The following FANCC variants were observed in gnomAD, a reference collection of about 807,000 sequenced individuals.
FANCC encodes FA complementation group C.
In FANCC, 55 loss-of-function variants were observed where a neutral mutation model predicts 71.3. The observed-to-expected ratio is 0.77, with a 90% CI of 0.62 to 0.97. The LOEUF is 0.97. Ranked by LOEUF, FANCC falls within the 50% of genes least tolerant of loss-of-function variation. FANCC has a pLI of 0.00. For missense variants in FANCC, 678 were observed against 670.9 expected (o/e 1.01, Z -0.12); for synonymous variants, 275 against 244.9 (o/e 1.12, Z -1.15).
At chr9:95,182,139 A>G (rs1222260182) in intron 4 of FANCC, among the ~76,000 whole-genome samples, 2 of 151,112 alleles carry the variant, frequency 1.3e-5, no homozygotes, top group Non-Finnish European at 2.9e-5. Context: ...TCTCTAAACA[A>G]TTTCTTCATC....
intron 13 of FANCC, chr9:95,111,105 G>A (rs2071878523): frequency 6.6e-6 from 10 of 1,522,986 alleles, no homozygotes; most frequent in Non-Finnish European, 7.9e-6. Flanking sequence ...AGGCTCTGCT[G>A]CCGGCACACC....
At chr9:95,256,482 A>C (rs566851429) in intron 1 of FANCC, among the ~76,000 whole-genome samples, 1 of 152,340 alleles carries the variant, frequency 6.6e-6, no homozygotes, top group South Asian at 2.1e-4. Context: ...CAGACAGGCA[A>C]ATGCTGAGAG....
At chr9:95,124,832 T>C (rs1825726099) in intron 10 of FANCC, among the ~76,000 whole-genome samples, 1 of 152,174 alleles carries the variant, frequency 6.6e-6, no homozygotes, top group Admixed American at 6.5e-5. Flanking sequence ...TCCAGGGCCA[T>C]GCATGCTGGC....
chr9:95,209,685 T>TCCGG (rs1429375445), intron 4 of FANCC, among the ~76,000 whole-genome samples: 4 of 152,250 alleles, frequency 2.6e-5, no homozygotes, highest in African/African-American at 9.6e-5. Flanking sequence ...TTCTTTCTCA[T>TCCGG]CCGGCCCCCT....
At chr9:95,115,115 A>AT (rs1187481437) in intron 11 of FANCC, among the ~76,000 whole-genome samples, 2 of 152,082 alleles carry the variant, frequency 1.3e-5, no homozygotes, top group East Asian at 1.9e-4. Context: ...TATTTTTAAA[A>AT]TTTTTTTGTA....
In FANCC at chr9:95,280,843, AAC is replaced by A; in HGVS notation, c.-78-31476_-78-31475del. On this transcript the variant is annotated intron_variant, in intron 1 of 14. Coordinates refer to ENST00000289081, the MANE Select transcript of FANCC (RefSeq NM_000136.3). Reference sequence around the variant, plus strand: ...ATTCAGAAATTCATCAGAGAAATTTAACAGAGAGATTGAAATAATTTTTTAAA... The same window carrying A: ...ATTCAGAAATTCATCAGAGAAATTTAAGAGAGATTGAAATAATTTTTTAAA... 2.0e-5 allele frequency among the ~76,000 whole-genome samples: 3 copies of A among 152,368 alleles called. No individual in the cohort carries two copies. In the South Asian group the frequency reaches 6.2e-4, roughly 32 times the overall value.
intron 1 of FANCC, among the ~76,000 whole-genome samples, chr9:95,311,711 G>C (rs1313913361): frequency 7.6e-6 from 1 of 132,300 alleles, no homozygotes; most frequent in Non-Finnish European, 1.6e-5. Flanking sequence ...CTCTGAATCT[G>C]TGTGTGTGTG....
chr9:95,195,501 G>A (rs1016539543), intron 4 of FANCC, among the ~76,000 whole-genome samples: 1 of 152,086 alleles, frequency 6.6e-6, no homozygotes, highest in Non-Finnish European at 1.5e-5. Context: ...CAATATCACA[G>A]GATCTAATTA....
chr9:95,299,835 A>C (rs1432949335), intron 1 of FANCC, among the ~76,000 whole-genome samples: 1 of 152,182 alleles, frequency 6.6e-6, no homozygotes, highest in Non-Finnish European at 1.5e-5. Context: ...CACTCCAGGC[A>C]GGGAGACAGA....
At chr9:95,254,597 T>C (rs1489541676) in intron 1 of FANCC, among the ~76,000 whole-genome samples, 2 of 152,218 alleles carry the variant, frequency 1.3e-5, no homozygotes, top group African/African-American at 4.8e-5. Context: ...ACCAGAAGAT[T>C]CCCTTGGGTG....
Position 95,252,103 on chromosome 9 carries a change from C to A in FANCC, c.-78-2734G>T, listed in dbSNP as rs187874785. ...GACCAGCCTGGCCAACATGGTGAAA[C>A]CCCATCTCTACTGAAAATAACAAAA... On this transcript the variant is annotated intron_variant, in intron 1 of 14. Transcript: ENST00000289081. Among the ~76,000 whole-genome samples, 347 of 151,816 alleles carry A rather than the reference C, an allele frequency of 2.3e-3. 1 individual carries two copies. The highest frequency in any genetic ancestry group is 8.0e-3 in the African/African-American group (333 of 41,382).
intron 4 of FANCC, among the ~76,000 whole-genome samples, chr9:95,187,943 T>C (rs1488313718): frequency 6.6e-6 from 1 of 152,228 alleles, no homozygotes; most frequent in Non-Finnish European, 1.5e-5. Context: ...TTAGGTTCAA[T>C]GAGTAGTTCT....
intron 8 of FANCC, among the ~76,000 whole-genome samples, chr9:95,130,033 C>T (rs1312686240): frequency 6.6e-6 from 1 of 152,138 alleles, no homozygotes; most frequent in Non-Finnish European, 1.5e-5. Context: ...ATGGAATCAA[C>T]ACACAATAAC....
chr9:95,172,557 C>T (rs765638751), intron 4 of FANCC, among the ~76,000 whole-genome samples: 20 of 151,862 alleles, frequency 1.3e-4, no homozygotes, highest in African/African-American at 1.5e-4. Flanking sequence ...CACACACATG[C>T]GTGAAACACC....
intron 6 of FANCC, 107 bp downstream of exon 6, chr9:95,170,972 C>T: frequency 1.2e-6 from 1 of 830,638 alleles, no homozygotes; most frequent in Non-Finnish European, 2.1e-6. Context: ...ATATAAAATA[C>T]AACCATAACT....
chr9:95,237,331 T>G (rs1830379164), intron 4 of FANCC, among the ~76,000 whole-genome samples: 2 of 152,188 alleles, frequency 1.3e-5, no homozygotes, highest in Non-Finnish European at 2.9e-5. Context: ...AAGTTCTCCC[T>G]CCTTTACTGC....
rs527943670 is a variant in FANCC, at chr9:95,141,782, T to C, written c.687-6280A>G. 2.6e-5 allele frequency among the ~76,000 whole-genome samples: 4 copies of C among 152,240 alleles called. No individual in the cohort carries two copies. In the East Asian group the frequency reaches 7.7e-4, roughly 29 times the overall value. On this transcript the variant is annotated intron_variant, in intron 7 of 14. Transcript: ENST00000289081. ...GCATAAATTAGGTTCTTCTGATAGA[T>C]AATGAATTGTTTTCTTATTAAGCAT...
chr9:95,293,983 C>T, intron 1 of FANCC: 1 of 1,589,174 alleles, frequency 6.3e-7, no homozygotes, highest in Non-Finnish European at 8.6e-7. Context: ...TTTGTTACCT[C>T]AGAATGAGCC....
chr9:95,201,738 A>C (rs1285240989), intron 4 of FANCC, among the ~76,000 whole-genome samples: 2 of 152,214 alleles, frequency 1.3e-5, no homozygotes, highest in Non-Finnish European at 2.9e-5. Context: ...GTACCTAGTG[A>C]TTTAAATTTG....
Sources: allele counts gnomAD v4.1 joint callset (sites outside exome capture counted in the v4.1 genomes callset), GRCh38; gene constraint gnomAD v4.1.1; transcripts MANE v1.5; gene names NCBI Gene and HGNC (gene_info 2026-07-23, HGNC 2026-07-21).